ROBO2: variants seen among roughly 807,000 people sequenced by gnomAD.
ROBO2 encodes the protein roundabout homolog 2.
A neutral mutation model predicts 160.8 loss-of-function variants in ROBO2; 53 were observed. The ratio of observed to expected loss-of-function variants is 0.33; its 90% CI spans 0.26 to 0.41. ROBO2 has a LOEUF of 0.41. Ranked by LOEUF, ROBO2 falls within the 10% of genes least tolerant of loss-of-function variation. The probability of loss-of-function intolerance (pLI) is 1.00; values close to 1 mark genes in which losing one functional copy is unlikely to be tolerated. For missense variants in ROBO2, 1,577 were observed against 1,722.4 expected (o/e 0.92, Z 1.49); for synonymous variants, 664 against 611.7 (o/e 1.09, Z -1.26).
chr3:76,130,997 TA>T (rs1323723148), intron 2 of ROBO2, among the ~76,000 whole-genome samples: 1 of 152,152 alleles, frequency 6.6e-6, no homozygotes, highest in Non-Finnish European at 1.5e-5. Flanking sequence ...TGCTTGTGAT[TA>T]AATAATGCTG....
intron 2 of ROBO2, among the ~76,000 whole-genome samples, chr3:77,324,011 A>C: frequency 6.6e-6 from 1 of 152,170 alleles, no homozygotes; most frequent in East Asian, 1.9e-4. Context: ...TTGATTTATA[A>C]CACAGATGTA....
At chr3:76,887,570 G>A (rs562307356) in intron 2 of ROBO2, among the ~76,000 whole-genome samples, 1 of 152,036 alleles carries the variant, frequency 6.6e-6, no homozygotes, top group Non-Finnish European at 1.5e-5. Flanking sequence ...TGCCATCCCC[G>A]TCCTCTTATT....
chr3:77,284,013 G>C (rs115872733), intron 2 of ROBO2, among the ~76,000 whole-genome samples: 1 of 152,130 alleles, frequency 6.6e-6, no homozygotes, highest in East Asian at 1.9e-4. Flanking sequence ...CTTGGAATTT[G>C]CATCACAATA....
upstream of ROBO2, among the ~76,000 whole-genome samples, chr3:77,039,473 A>G (rs2063853889): frequency 6.6e-6 from 1 of 152,164 alleles, no homozygotes; most frequent in Admixed American, 6.5e-5. Context: ...GGAGAAAATT[A>G]CCTGCCCATT....
At chr3:77,520,705 T>C (rs2090505533) in intron 5 of ROBO2, among the ~76,000 whole-genome samples, 2 of 151,380 alleles carry the variant, frequency 1.3e-5, no homozygotes, top group South Asian at 4.1e-4. Flanking sequence ...TCAATGTTTT[T>C]AGATGAATTG....
chr3:76,569,050 C>T (rs777351731), intron 2 of ROBO2, among the ~76,000 whole-genome samples: 4 of 151,980 alleles, frequency 2.6e-5, no homozygotes, highest in African/African-American at 9.7e-5. Flanking sequence ...AGATATAAAT[C>T]TCTGTATGTA....
chr3:76,169,132 A>C (rs559059722), intron 2 of ROBO2, among the ~76,000 whole-genome samples: 172 of 152,268 alleles, frequency 1.1e-3, no homozygotes, highest in Admixed American at 2.6e-3. Context: ...TTTTCTTTCT[A>C]GAAGATACCT....
intron 2 of ROBO2, among the ~76,000 whole-genome samples, chr3:76,129,861 A>C (rs1362752620): frequency 6.6e-6 from 1 of 151,970 alleles, no homozygotes; most frequent in Non-Finnish European, 1.5e-5. Flanking sequence ...GGATATTTTC[A>C]TATCTTATGC....
chr3:76,557,038 C>T (rs2108444844), intron 2 of ROBO2, among the ~76,000 whole-genome samples: 1 of 152,108 alleles, frequency 6.6e-6, no homozygotes, highest in African/African-American at 2.4e-5. Flanking sequence ...TTATTTGCCA[C>T]CCAGTTTTAG....
chr3:76,089,004 G>A (rs1256316397), intron 2 of ROBO2, among the ~76,000 whole-genome samples: 1 of 151,984 alleles, frequency 6.6e-6, no homozygotes, highest in East Asian at 1.9e-4. Context: ...AAATGAAAGA[G>A]AGGACATCTC....
chr3:76,440,606 T>C (rs2076882772), intron 2 of ROBO2, among the ~76,000 whole-genome samples: 1 of 152,120 alleles, frequency 6.6e-6, no homozygotes, highest in African/African-American at 2.4e-5. Flanking sequence ...GGGAACAGTG[T>C]AAAACAATAC....
At chr3:77,047,854 T>TA (rs2064840508) in intron 1 of ROBO2, among the ~76,000 whole-genome samples, 1 of 151,506 alleles carries the variant, frequency 6.6e-6, no homozygotes, top group African/African-American at 2.4e-5. Flanking sequence ...CTATCCTGGC[T>TA]AATACGGCGA....
intron 2 of ROBO2, among the ~76,000 whole-genome samples, chr3:76,686,773 C>A (rs2092694850): frequency 6.6e-6 from 1 of 151,664 alleles, no homozygotes; most frequent in African/African-American, 2.4e-5. Flanking sequence ...CCTTGGCAAA[C>A]AAGGCAAGAG....
At chr3:77,107,728 C>T (rs940967362) in intron 2 of ROBO2, among the ~76,000 whole-genome samples, 2 of 152,134 alleles carry the variant, frequency 1.3e-5, no homozygotes, top group Non-Finnish European at 2.9e-5. Flanking sequence ...GAATGTGCCT[C>T]TTTCTGAGAG....
intron 2 of ROBO2, among the ~76,000 whole-genome samples, chr3:76,696,275 T>C (rs2092925037): frequency 6.6e-6 from 1 of 152,312 alleles, no homozygotes; most frequent in Admixed American, 6.5e-5. Context: ...TATATGAATT[T>C]TTAAATAGCA....
At chr3:76,272,287 T>C (rs1707482345) in intron 2 of ROBO2, among the ~76,000 whole-genome samples, 1 of 152,126 alleles carries the variant, frequency 6.6e-6, no homozygotes, top group African/African-American at 2.4e-5. Flanking sequence ...TCATAGCTTA[T>C]ATAATAAATA....
rs150923529 is a variant in ROBO2 at position 77,403,951 on chromosome 3, C to T, written c.389-73463C>T. On this transcript the variant is annotated intron_variant, in intron 2 of 25. Transcript: ENST00000461745. ...CACTTTTCCAAATTGGCACTAGGCT[C>T]GAAAATGGTTGGTTTTCAAGTTGGC... 9.2e-5 allele frequency among the ~76,000 whole-genome samples: 14 copies of T among 151,836 alleles called. No individual in the cohort carries two copies. The East Asian group carries it at 2.1e-3, about 23-fold the overall frequency.
At chr3:77,294,439 C>A (rs2061771689) in intron 2 of ROBO2, among the ~76,000 whole-genome samples, 1 of 135,492 alleles carries the variant, frequency 7.4e-6, no homozygotes, top group Non-Finnish European at 1.5e-5. Flanking sequence ...GAGCCTAGAT[C>A]CCTAAAGACA....
Position 77,367,180 on chromosome 3 carries a change from T to C in ROBO2, c.389-110234T>C, listed in dbSNP as rs564298871. Among the ~76,000 whole-genome samples, 52 of 152,238 alleles carry C rather than the reference T, an allele frequency of 3.4e-4. 1 individual carries two copies. In the South Asian group the frequency reaches 0.01, roughly 30 times the overall value. ...TCATTGGAACTGCAAGACCACCAGGTTACCGTATGATCATATTTTTATGTG... is the reference window on the plus strand; with the variant it reads ...TCATTGGAACTGCAAGACCACCAGGCTACCGTATGATCATATTTTTATGTG... On this transcript the variant is annotated intron_variant, in intron 2 of 25. Coordinates refer to ENST00000461745, the Ensembl canonical transcript of ROBO2.
Sources: gnomAD v4.1 joint callset for allele counts (sites outside exome capture counted in the v4.1 genomes callset) on GRCh38, gnomAD v4.1.1 for gene constraint, MANE v1.5 for transcripts, NCBI Gene and HGNC (gene_info 2026-07-23, HGNC 2026-07-21) for gene names.